CRB1: variants seen among roughly 807,000 people sequenced by gnomAD.
The protein encoded by CRB1 is crumbs cell polarity complex component 1, also known as protein crumbs homolog 1.
A neutral mutation model predicts 120.0 loss-of-function variants in CRB1; 83 were observed. The observed-to-expected ratio is 0.69, with a 90% CI of 0.58 to 0.83. The LOEUF is 0.83. Ranked by LOEUF, CRB1 falls within the 40% of genes least tolerant of loss-of-function variation. The pLI, the probability that CRB1 is intolerant of heterozygous loss-of-function variation, is 0.00. For synonymous variants in CRB1, 625 were observed against 612.5 expected (o/e 1.02, Z -0.30); for missense variants, 1,699 against 1,687.6 (o/e 1.01, Z -0.12).
At chr1:197,368,498 TA>T (rs1357571536) in intron 5 of CRB1, among the ~76,000 whole-genome samples, 1 of 152,232 alleles carries the variant, frequency 6.6e-6, no homozygotes, top group African/African-American at 2.4e-5. Context: ...TATACCACGT[TA>T]TACATACATT....
intron 5 of CRB1, among the ~76,000 whole-genome samples, chr1:197,405,474 G>A (rs1430440186): frequency 6.6e-6 from 1 of 151,970 alleles, no homozygotes; most frequent in Non-Finnish European, 1.5e-5. Flanking sequence ...AGTGCCGAGA[G>A]TGCAGCCTCT....
chr1:197,438,814 G>T, intron 10 of CRB1, 139 bp downstream of exon 10: 1 of 990,824 alleles, frequency 1.0e-6, no homozygotes. Flanking sequence ...CAGACAGAAT[G>T]AAACAATAAA....
chr1:197,349,128 ATGTT>A (rs1245477870), intron 4 of CRB1, among the ~76,000 whole-genome samples: 4 of 152,148 alleles, frequency 2.6e-5, no homozygotes, highest in African/African-American at 9.7e-5. Flanking sequence ...TACCTTTTGT[ATGTT>A]TAAGTATGTT....
At chr1:197,237,607 G>T in the CRB1 span, among the ~76,000 whole-genome samples, 4 of 152,208 alleles carry the variant, frequency 2.6e-5, no homozygotes, top group African/African-American at 9.6e-5. Context: ...AGTTGGTGTC[G>T]CTAAAGGAAT....
At chr1:197,378,386 C>T (rs1661760083) in intron 5 of CRB1, among the ~76,000 whole-genome samples, 1 of 152,176 alleles carries the variant, frequency 6.6e-6, no homozygotes, top group South Asian at 2.1e-4. Flanking sequence ...TGATATCTTA[C>T]AGCTACAGAT....
intron 8 of CRB1, among the ~76,000 whole-genome samples, chr1:197,430,781 A>G (rs1664833953): frequency 6.6e-6 from 1 of 152,190 alleles, no homozygotes; most frequent in Non-Finnish European, 1.5e-5. Flanking sequence ...AAGGCAAGAA[A>G]CTTTTCTATG....
intron 11 of CRB1, among the ~76,000 whole-genome samples, chr1:197,462,692 A>C (rs1401671152): frequency 1.3e-5 from 2 of 152,182 alleles, no homozygotes; most frequent in African/African-American, 4.8e-5. Flanking sequence ...ATTACACATA[A>C]ATTTCAAACT....
chr1:197,398,817 A>G (rs1350772590), intron 5 of CRB1, among the ~76,000 whole-genome samples: 1 of 151,886 alleles, frequency 6.6e-6, no homozygotes, highest in Admixed American at 6.6e-5. Flanking sequence ...TTCCATTTAT[A>G]TGACATTCTG....
intron 2 of CRB1, among the ~76,000 whole-genome samples, chr1:197,339,957 A>G (rs1169840668): frequency 1.5e-4 from 23 of 152,182 alleles, no homozygotes; most frequent in Admixed American, 1.5e-3. Context: ...CTGTGACTTG[A>G]TTATTCATGC....
intron 8 of CRB1, among the ~76,000 whole-genome samples, chr1:197,432,198 A>G (rs1408856527): frequency 6.6e-6 from 1 of 152,162 alleles, no homozygotes; most frequent in East Asian, 1.9e-4. Context: ...TGTGCTCAGC[A>G]GAGTTAGTAA....
intron 5 of CRB1, among the ~76,000 whole-genome samples, chr1:197,372,648 C>T (rs561607697): frequency 2.3e-4 from 35 of 151,820 alleles, no homozygotes; most frequent in East Asian, 5.8e-4. Flanking sequence ...AATCTCAGTG[C>T]TTTGGGAGGC....
chr1:197,262,826 C>T, the CRB1 span, among the ~76,000 whole-genome samples: 1 of 152,130 alleles, frequency 6.6e-6, no homozygotes, highest in Non-Finnish European at 1.5e-5. Context: ...TAATGGCCTG[C>T]AGCTGCATCT....
At chr1:197,334,681 C>T (rs553996099) in intron 2 of CRB1, among the ~76,000 whole-genome samples, 2 of 152,162 alleles carry the variant, frequency 1.3e-5, no homozygotes, top group East Asian at 3.9e-4. Flanking sequence ...TATAAATTAC[C>T]CAGTCCTATA....
chr1:197,442,691 C>T (rs1665513196), intron 11 of CRB1: 6 of 509,208 alleles, frequency 1.2e-5, no homozygotes, highest in Non-Finnish European at 1.9e-5. Flanking sequence ...TCATTCTCAA[C>T]ACTTCTATAT....
chr1:197,231,511 C>G, the CRB1 span, among the ~76,000 whole-genome samples: 33 of 152,172 alleles, frequency 2.2e-4, no homozygotes, highest in African/African-American at 7.9e-4. Context: ...TCCCATGATA[C>G]AGGATTTGAT....
At chr1:197,325,333 T>G (rs907539107) in intron 1 of CRB1, among the ~76,000 whole-genome samples, 2 of 152,216 alleles carry the variant, frequency 1.3e-5, no homozygotes, top group Admixed American at 6.5e-5. Flanking sequence ...CTATCTCCAG[T>G]AGCATTGTTT....
chr1:197,432,108 A>C (rs916156639), intron 8 of CRB1, among the ~76,000 whole-genome samples: 2 of 152,084 alleles, frequency 1.3e-5, no homozygotes, highest in Non-Finnish European at 2.9e-5. Flanking sequence ...ATTATGGTAA[A>C]GTTCCCCAAA....
chr1:197,406,970 A>G (rs1181563830), intron 5 of CRB1, among the ~76,000 whole-genome samples: 2 of 152,240 alleles, frequency 1.3e-5, no homozygotes, highest in East Asian at 3.8e-4. Context: ...GTAGGATCAC[A>G]TATTTAACTG....
the CRB1 span, among the ~76,000 whole-genome samples, chr1:197,211,776 G>T: frequency 1.3e-5 from 2 of 151,198 alleles, no homozygotes; most frequent in African/African-American, 4.8e-5. Context: ...TAGAATTAAA[G>T]AATCAACAAA....
Sources: allele counts gnomAD v4.1 joint callset (sites outside exome capture counted in the v4.1 genomes callset), GRCh38; gene constraint gnomAD v4.1.1; transcripts MANE v1.5; gene names NCBI Gene and HGNC (gene_info 2026-07-23, HGNC 2026-07-21).